FMNL3: variants seen among roughly 807,000 people sequenced by gnomAD.
FMNL3 encodes the protein formin like 3, also known as formin-like protein 3.
In FMNL3, 57 loss-of-function variants were observed where a neutral mutation model predicts 119.6. That is an observed-to-expected ratio of 0.48 (90% CI 0.39 to 0.59). FMNL3 has a LOEUF of 0.59. Among genes scored for constraint, FMNL3 ranks in the 20% least tolerant of loss-of-function variants. The pLI is 0.00. For missense variants in FMNL3, 1,053 were observed against 1,323.5 expected (o/e 0.80, Z 3.17); for synonymous variants, 491 against 507.3 (o/e 0.97, Z 0.43).
rs752394801 is a variant in FMNL3, at chr12:49,654,209, G to GC, written c.1053dup (p.Leu352AlafsTer29). 6.2e-7 allele frequency: 1 copy of GC among 1,614,078 alleles called. No homozygotes were observed. The highest frequency in any genetic ancestry group is 2.2e-5 in the East Asian group (1 of 44,870). ...CAGCTCACCTGCAGGAACTCCTCTA[G>GC]CCCCAGCTTGGTAAACTCATACTGC... On this transcript the variant is annotated frameshift_variant, in exon 11 of 26. Coordinates refer to ENST00000335154, the MANE Select transcript of FMNL3 (RefSeq NM_175736.5). LOFTEE classifies it high-confidence loss of function.
At chr12:49,688,652 C>T (rs1268761417) in intron 1 of FMNL3, 9 of 392,198 alleles carry the variant, frequency 2.3e-5, no homozygotes, top group Non-Finnish European at 4.0e-5. Context: ...AAAGAAACTG[C>T]TAAGAAGTCC....
chr12:49,645,572 C>G lies in FMNL3; in HGVS notation c.*243G>C. 1 of 493,132 alleles carries G rather than the reference C, an allele frequency of 2.0e-6. No individual in the cohort carries two copies. Among genetic ancestry groups the G allele is most frequent in the Non-Finnish European group, 3.5e-6 (1 of 282,148 alleles). The allele number at this position is 493,132 out of a possible 1,614,324, so 30.5% of individuals were successfully genotyped here. ...GGTTTTTCCTAGCCCTGAGCTGACC[C>G]TTGGTGACCCTTCAGGAAATGAAGT... On this transcript the variant is annotated 3_prime_UTR_variant, in exon 26 of 26. Transcript: ENST00000335154.
chr12:49,677,489 A>G (rs533960908), intron 1 of FMNL3, among the ~76,000 whole-genome samples: 3 of 152,248 alleles, frequency 2.0e-5, no homozygotes, highest in South Asian at 2.1e-4. Flanking sequence ...TACTTACCCC[A>G]TAGTGTTGCT....
Position 49,656,834 on chromosome 12 carries a change from GTTA to G in FMNL3, c.777_779del (p.Asn260del), listed in dbSNP as rs1943584937. 6.2e-7 allele frequency: 1 copy of G among 1,613,850 alleles called. No homozygotes were observed. Among genetic ancestry groups the G allele is most frequent in the Non-Finnish European group, 8.5e-7 (1 of 1,179,862 alleles). ...GGGAAGGAACTCACCTTGGATTCTTGTTATTGAGGCTAAGTGCAATCTCATTGA... is the reference window on the plus strand; with the variant it reads ...GGGAAGGAACTCACCTTGGATTCTTGTTGAGGCTAAGTGCAATCTCATTGA... On this transcript the variant is annotated inframe_deletion, in exon 8 of 26. Coordinates refer to ENST00000335154, the MANE Select transcript of FMNL3 (RefSeq NM_175736.5).
chr12:49,691,907 C>T (rs960467762), intron 1 of FMNL3, among the ~76,000 whole-genome samples: 1 of 151,904 alleles, frequency 6.6e-6, no homozygotes, highest in South Asian at 2.1e-4. Context: ...TGGTCTTGCA[C>T]GTCTGTAGTC....
At chr12:49,666,248 C>T in intron 2 of FMNL3, 41 bp from the exon 3 acceptor site, 1 of 1,568,038 alleles carries the variant, frequency 6.4e-7, no homozygotes, top group Non-Finnish European at 8.7e-7. Flanking sequence ...CAAAGACAAC[C>T]AGAGACCTGA....
At chr12:49,688,663 A>G (rs1944528291) in intron 1 of FMNL3, 1 of 381,124 alleles carries the variant, frequency 2.6e-6, no homozygotes, top group Non-Finnish European at 5.2e-6. Context: ...TAAGAAGTCC[A>G]TTACAACAGA....
chr12:49,661,032 T>G (rs896745678), intron 5 of FMNL3, among the ~76,000 whole-genome samples: 1 of 152,170 alleles, frequency 6.6e-6, no homozygotes, highest in African/African-American at 2.4e-5. Flanking sequence ...TGGGGAAAAC[T>G]AGGGAAAGTT....
intron 1 of FMNL3, among the ~76,000 whole-genome samples, chr12:49,702,066 G>A (rs569008391): frequency 2.0e-5 from 3 of 152,198 alleles, no homozygotes; most frequent in Non-Finnish European, 2.9e-5. Flanking sequence ...TACTTTGGGT[G>A]ACTGAGGTGG....
intron 1 of FMNL3, among the ~76,000 whole-genome samples, chr12:49,702,778 G>C (rs907393649): frequency 1.3e-5 from 2 of 152,106 alleles, no homozygotes; most frequent in Admixed American, 6.5e-5. Flanking sequence ...GCTGTGAAAG[G>C]CCCTTTCCCT....
At chr12:49,666,277 A>G (rs1446819272) in intron 2 of FMNL3, 70 bp from the exon 3 acceptor site, 16 of 1,384,380 alleles carry the variant, frequency 1.2e-5, no homozygotes, top group Non-Finnish European at 1.6e-5. Flanking sequence ...CTGAGGAAGA[A>G]GAGCATTCAT....
chr12:49,696,220 A>G (rs567164425), intron 1 of FMNL3, among the ~76,000 whole-genome samples: 20 of 152,346 alleles, frequency 1.3e-4, no homozygotes, highest in Non-Finnish European at 2.9e-4. Context: ...TTTATAATAC[A>G]TAATACAATT....
intron 6 of FMNL3, 143 bp downstream of exon 6, chr12:49,658,299 G>C: frequency 8.1e-7 from 1 of 1,241,974 alleles, no homozygotes; most frequent in Non-Finnish European, 1.1e-6. Context: ...AGACAGACCA[G>C]AGACAGACTG....
rs1377161664 is a variant in FMNL3 at position 49,642,208 on chromosome 12, CCT to C, written c.*3605_*3606del. ...CCTGGCATCCACCCTCCTGGGTGAC[CCT>C]GTTCCGTGTCCCTTCTTTCCTCAGC... On this transcript the variant is annotated 3_prime_UTR_variant, in exon 26 of 26. Coordinates refer to ENST00000335154, the MANE Select transcript of FMNL3 (RefSeq NM_175736.5). The surrounding 1 kb of genome is among the most constrained non-coding windows in gnomAD (Gnocchi z 5.8). 1.2e-6 allele frequency: 2 copies of C among 1,614,074 alleles called. No homozygotes were observed. Among genetic ancestry groups the C allele is most frequent in the East Asian group, 4.5e-5 (2 of 44,882 alleles).
intron 25 of FMNL3, 126 bp downstream of exon 25, chr12:49,646,760 C>A: frequency 3.8e-6 from 6 of 1,598,388 alleles, no homozygotes; most frequent in African/African-American, 1.3e-5. Context: ...AGCACTGTGG[C>A]CCAGGAGAGA....
At chr12:49,663,609 C>A (rs1372947507) in intron 4 of FMNL3, among the ~76,000 whole-genome samples, 1 of 152,232 alleles carries the variant, frequency 6.6e-6, no homozygotes, top group Admixed American at 6.5e-5. Flanking sequence ...AGGCACTGAG[C>A]TATTCCCTGG....
chr12:49,701,620 C>A (rs1469010355), intron 1 of FMNL3, among the ~76,000 whole-genome samples: 1 of 152,152 alleles, frequency 6.6e-6, no homozygotes, highest in East Asian at 1.9e-4. Context: ...GACCATCGTA[C>A]AAGCATTTAA....
intron 9 of FMNL3, among the ~76,000 whole-genome samples, chr12:49,655,817 G>C (rs1253240562): frequency 6.6e-6 from 1 of 152,074 alleles, no homozygotes; most frequent in Admixed American, 6.5e-5. Context: ...GGAAGGGGTG[G>C]GACCACCAGC....
At chr12:49,662,083 G>T (rs779857722) in intron 4 of FMNL3, 34 bp from the exon 5 acceptor site, 1 of 1,605,932 alleles carries the variant, frequency 6.2e-7, no homozygotes, top group East Asian at 2.2e-5. Context: ...GAAGGGGTCT[G>T]CTAAAAGTGG....
Sources: gnomAD v4.1 joint callset for allele counts (sites outside exome capture counted in the v4.1 genomes callset) on GRCh38, gnomAD v4.1.1 for gene constraint, Gnocchi (gnomAD v3.1) non-coding constraint, MANE v1.5 for transcripts, NCBI Gene and HGNC (gene_info 2026-07-23, HGNC 2026-07-21) for gene names.